CELF2: variants seen among roughly 807,000 people sequenced by gnomAD.
CELF2 encodes CUGBP Elav-like family member 2, also known as CUG triplet repeat RNA-binding protein 2.
In CELF2, 8 loss-of-function variants were observed where a neutral mutation model predicts 62.6. That is an observed-to-expected ratio of 0.13 (90% CI 0.07 to 0.23). CELF2 has a LOEUF of 0.23. Ranked by LOEUF, CELF2 falls within the 10% of genes least tolerant of loss-of-function variation. The probability of loss-of-function intolerance (pLI) is 1.00; values close to 1 mark genes in which losing one functional copy is unlikely to be tolerated. For missense variants in CELF2, 333 were observed against 671.0 expected, an observed-to-expected ratio of 0.50 and a Z score of 5.56; for synonymous variants, 258 against 250.0, an observed-to-expected ratio of 1.03 and a Z score of -0.30.
rs185880252 is a variant in CELF2, at chr10:11,069,747, A to G, written c.74+51584A>G. ...TGATTGCACCAAATCCAGAAATGAA[A>G]GTGTTTCGTAATTATTAAGCCAGGA... On this transcript the variant is annotated intron_variant, in intron 1 of 12. Coordinates refer to ENST00000633077, the MANE Select transcript of CELF2 (RefSeq NM_001326342.2). Among the ~76,000 whole-genome samples the G allele has an allele frequency of 2.0e-5, 3 of 152,334 alleles. No homozygotes were observed. The East Asian group carries it at 5.8e-4, about 29-fold the overall frequency.
At chr10:10,663,609 ATTGT>A in the CELF2 span, among the ~76,000 whole-genome samples, 2 of 152,190 alleles carry the variant, frequency 1.3e-5, no homozygotes. Context: ...AGAGAGTAAA[ATTGT>A]TTGTGGATGC....
chr10:10,581,897 G>C, the CELF2 span, among the ~76,000 whole-genome samples: 1 of 152,086 alleles, frequency 6.6e-6, no homozygotes, highest in Non-Finnish European at 1.5e-5. Context: ...GCATGGTGGT[G>C]GGTGCCTGTA....
chr10:10,835,346 C>T (rs925195526), intron 1 of CELF2, among the ~76,000 whole-genome samples: 1 of 150,810 alleles, frequency 6.6e-6, no homozygotes, highest in Non-Finnish European at 1.5e-5. Flanking sequence ...TGGCCTCAGT[C>T]TTCCCAGTAG....
chr10:10,775,345 T>C, the CELF2 span, among the ~76,000 whole-genome samples: 4 of 151,988 alleles, frequency 2.6e-5, no homozygotes, highest in African/African-American at 9.6e-5. Flanking sequence ...AAGCAGGAGA[T>C]GGAGGCCAGG....
At chr10:11,056,336 G>A (rs561883340) in intron 1 of CELF2, among the ~76,000 whole-genome samples, 13 of 152,318 alleles carry the variant, frequency 8.5e-5, no homozygotes, top group South Asian at 2.1e-4. Context: ...TATAAATCAC[G>A]TCTGCCTTTT....
chr10:10,899,896 A>G (rs1275552835), intron 1 of CELF2, among the ~76,000 whole-genome samples: 1 of 152,136 alleles, frequency 6.6e-6, no homozygotes, highest in Admixed American at 6.5e-5. Flanking sequence ...ATCAGGCTCT[A>G]CCTCCAGCAT....
the CELF2 span, among the ~76,000 whole-genome samples, chr10:10,629,804 G>A: frequency 7.1e-5 from 9 of 126,248 alleles, no homozygotes; most frequent in South Asian, 5.2e-4. Context: ...TGCACGTGAT[G>A]TCATGTTATG....
chr10:11,048,531 C>T (rs973608661), intron 1 of CELF2, among the ~76,000 whole-genome samples: 1 of 152,088 alleles, frequency 6.6e-6, no homozygotes, highest in Non-Finnish European at 1.5e-5. Context: ...CTGTTTTATC[C>T]CACCTCTACT....
chr10:10,877,008 A>G (rs531215069), intron 1 of CELF2, among the ~76,000 whole-genome samples: 1 of 152,314 alleles, frequency 6.6e-6, no homozygotes, highest in African/African-American at 2.4e-5. Flanking sequence ...GCACTCCTCT[A>G]GAGTACTGGC....
At chr10:10,877,354 G>A (rs1017628259) in intron 1 of CELF2, among the ~76,000 whole-genome samples, 6 of 152,248 alleles carry the variant, frequency 3.9e-5, no homozygotes, top group African/African-American at 1.4e-4. Flanking sequence ...ATTTTAGGGA[G>A]ACATGAGACA....
Position 11,297,948 on chromosome 10 carries a change from C to T in CELF2, c.976+9396C>T, listed in dbSNP as rs2093356835. On this transcript the variant is annotated intron_variant, in intron 9 of 12. Coordinates refer to ENST00000633077, the MANE Select transcript of CELF2 (RefSeq NM_001326342.2). This position sits in a 1 kb window ranked among gnomAD's most constrained non-coding sequence, Gnocchi z 4.4. ...AGTGAGCCGAGATCACGTCACTGCA[C>T]TCCAGCCCAGGTGACAAGAGCAAGG... 6.6e-6 allele frequency among the ~76,000 whole-genome samples: 1 copy of T among 152,240 alleles called. No individual in the cohort carries two copies. Among genetic ancestry groups the T allele is most frequent in the African/African-American group, 2.4e-5 (1 of 41,464 alleles).
chr10:11,175,822 G>C (rs1249317276), intron 2 of CELF2, among the ~76,000 whole-genome samples: 1 of 152,220 alleles, frequency 6.6e-6, no homozygotes, highest in Non-Finnish European at 1.5e-5. Context: ...AGATGCTTCT[G>C]GGTGCCTACT....
the CELF2 span, among the ~76,000 whole-genome samples, chr10:10,530,066 G>T: frequency 2.0e-5 from 3 of 152,154 alleles, no homozygotes; most frequent in Non-Finnish European, 2.9e-5. Context: ...TACAGGAAAG[G>T]GGTTCCGATC....
the CELF2 span, among the ~76,000 whole-genome samples, chr10:10,759,560 C>T: frequency 6.6e-6 from 1 of 151,934 alleles, no homozygotes. Context: ...TCACCCGCCT[C>T]GGCCTCGCAA....
At chr10:10,925,108 T>G (rs1319738796) in intron 2 of CELF2, 1 of 152,210 alleles carries the variant, frequency 6.6e-6, no homozygotes, top group African/African-American at 2.4e-5. Context: ...AGAGCTCACC[T>G]TTCTACATGG....
the CELF2 span, among the ~76,000 whole-genome samples, chr10:10,589,025 G>T: frequency 6.6e-6 from 1 of 152,126 alleles, no homozygotes; most frequent in Non-Finnish European, 1.5e-5. Flanking sequence ...AGTCTCAGGG[G>T]GTACTAATGA....
At chr10:11,133,167 G>A (rs1243427860) in intron 1 of CELF2, among the ~76,000 whole-genome samples, 1 of 152,152 alleles carries the variant, frequency 6.6e-6, no homozygotes, top group African/African-American at 2.4e-5. Flanking sequence ...AGGAAAGAAG[G>A]CAAACACATC....
chr10:10,813,240 C>A (rs974765516), intron 1 of CELF2, among the ~76,000 whole-genome samples: 1 of 152,194 alleles, frequency 6.6e-6, no homozygotes, highest in Non-Finnish European at 1.5e-5. Context: ...ATGAGTTCTG[C>A]TGACAGAGAC....
chr10:10,469,541 C>A, the CELF2 span, among the ~76,000 whole-genome samples: 9 of 151,818 alleles, frequency 5.9e-5, no homozygotes, highest in African/African-American at 2.2e-4. Flanking sequence ...AACTGAGGAT[C>A]TGATTTGCTA....
Sources: gnomAD v4.1 joint callset for allele counts (sites outside exome capture counted in the v4.1 genomes callset) on GRCh38, gnomAD v4.1.1 for gene constraint, Gnocchi (gnomAD v3.1) non-coding constraint, MANE v1.5 for transcripts, NCBI Gene and HGNC (gene_info 2026-07-23, HGNC 2026-07-21) for gene names.